The following GMDS variants were observed in gnomAD, a reference collection of about 807,000 sequenced individuals.
GMDS encodes GDP-mannose 4,6 dehydratase.
Under a neutral mutation model 49.9 loss-of-function variants are expected in GMDS, and 20 were observed. The ratio of observed to expected loss-of-function variants is 0.40; its 90% CI spans 0.28 to 0.58. GMDS has a LOEUF of 0.58. Among genes scored for constraint, GMDS ranks in the 20% least tolerant of loss-of-function variants. The probability of loss-of-function intolerance (pLI) is 0.42; values close to 1 mark genes in which losing one functional copy is unlikely to be tolerated. For missense variants in GMDS, 362 were observed against 481.4 expected (o/e 0.75, Z 2.32); for synonymous variants, 177 against 178.6 (o/e 0.99, Z 0.07).
At chr6:1,737,971 CACAT>C (rs377416580) in intron 8 of GMDS, among the ~76,000 whole-genome samples, 2 of 147,886 alleles carry the variant, frequency 1.4e-5, no homozygotes, top group South Asian at 2.2e-4. Context: ...TACATACACA[CACAT>C]ACACACACAC....
At chr6:1,731,949 T>C (rs1348194871) in intron 8 of GMDS, among the ~76,000 whole-genome samples, 6 of 152,162 alleles carry the variant, frequency 3.9e-5, no homozygotes, top group African/African-American at 1.4e-4. Flanking sequence ...TGGGGTAAAG[T>C]TAGTGATAAG....
At chr6:2,221,267 T>A (rs183341399) in intron 1 of GMDS, among the ~76,000 whole-genome samples, 9 of 152,360 alleles carry the variant, frequency 5.9e-5, no homozygotes, top group Admixed American at 5.2e-4. Context: ...AGAATTCCAG[T>A]TCTCACTTGT....
At chr6:2,216,701 C>A (rs776373672) in intron 1 of GMDS, among the ~76,000 whole-genome samples, 3 of 152,026 alleles carry the variant, frequency 2.0e-5, no homozygotes, top group Non-Finnish European at 4.4e-5. Flanking sequence ...TATCAACTTG[C>A]ACACATACAA....
intron 7 of GMDS, among the ~76,000 whole-genome samples, chr6:1,847,605 C>T (rs1048641653): frequency 1.3e-5 from 2 of 152,182 alleles, no homozygotes; most frequent in African/African-American, 4.8e-5. Flanking sequence ...CTCAGTGTGT[C>T]CAATACAGAA....
At chr6:2,208,855 A>T (rs1779930228) in intron 1 of GMDS, among the ~76,000 whole-genome samples, 1 of 40,600 alleles carries the variant, frequency 2.5e-5, no homozygotes, top group African/African-American at 1.8e-4. Flanking sequence ...GGGCTACATT[A>T]AAAAAAAAAA....
At chr6:1,877,857 T>C (rs1426843403) in intron 7 of GMDS, among the ~76,000 whole-genome samples, 1 of 152,106 alleles carries the variant, frequency 6.6e-6, no homozygotes, top group Non-Finnish European at 1.5e-5. Context: ...ATTATACAAA[T>C]TATATGATCT....
At chr6:2,062,673 T>C (rs1771260072) in intron 4 of GMDS, among the ~76,000 whole-genome samples, 1 of 152,232 alleles carries the variant, frequency 6.6e-6, no homozygotes, top group South Asian at 2.1e-4. Context: ...GCCATTTTCT[T>C]TGTTGATCCA....
At chr6:2,161,018 C>T (rs1777371261) in intron 1 of GMDS, among the ~76,000 whole-genome samples, 1 of 148,908 alleles carries the variant, frequency 6.7e-6, no homozygotes, top group African/African-American at 2.4e-5. Flanking sequence ...TATATGTTAA[C>T]TTTTTTTTTT....
At chr6:2,203,294 G>A (rs1005731188) in intron 1 of GMDS, among the ~76,000 whole-genome samples, 4 of 151,612 alleles carry the variant, frequency 2.6e-5, no homozygotes, top group Non-Finnish European at 5.9e-5. Flanking sequence ...GGTAAAATTG[G>A]AAAAAAAATA....
intron 8 of GMDS, among the ~76,000 whole-genome samples, chr6:1,730,126 T>C (rs746195495): frequency 6.6e-6 from 1 of 152,196 alleles, no homozygotes; most frequent in African/African-American, 2.4e-5. Flanking sequence ...AGAAAGGCGA[T>C]TTAATTAGGG....
chr6:2,022,785 A>T (rs1433782909), intron 4 of GMDS, among the ~76,000 whole-genome samples: 1 of 152,214 alleles, frequency 6.6e-6, no homozygotes, highest in Non-Finnish European at 1.5e-5. Context: ...TGTAAAACAC[A>T]GTTGGAAATC....
chr6:1,967,307 TC>T (rs149717329), intron 4 of GMDS, among the ~76,000 whole-genome samples: 188 of 152,290 alleles, frequency 1.2e-3, no homozygotes, highest in African/African-American at 4.3e-3. Flanking sequence ...CCGCAGTGTC[TC>T]CCATGCCGGA....
chr6:1,820,352 A>G (rs984060226), intron 7 of GMDS, among the ~76,000 whole-genome samples: 2 of 152,210 alleles, frequency 1.3e-5, no homozygotes, highest in African/African-American at 2.4e-5. Flanking sequence ...CCCCTTTGGC[A>G]GTCAAACAAA....
At position 1,996,633 on chromosome 6, in the gene GMDS, G is replaced by A. The variant is rs1033389599; in HGVS notation, c.346-35667C>T. On this transcript the variant is annotated intron_variant, in intron 4 of 10. Transcript: ENST00000380815. Reference sequence around the variant, plus strand: ...GGCTTCCAACTCTTGGTACAAAATGGTTGGCAGAATTCCTGCCATCACATG... The same window carrying A: ...GGCTTCCAACTCTTGGTACAAAATGATTGGCAGAATTCCTGCCATCACATG... Among the ~76,000 whole-genome samples, 11 of 152,096 alleles carry A rather than the reference G, an allele frequency of 7.2e-5. 1 individual carries two copies. The highest frequency in any genetic ancestry group is 6.5e-4 in the Admixed American group (10 of 15,278).
intron 9 of GMDS, among the ~76,000 whole-genome samples, chr6:1,694,153 C>A: frequency 6.6e-6 from 1 of 152,226 alleles, no homozygotes; most frequent in Non-Finnish European, 1.5e-5. Flanking sequence ...CATAATGATG[C>A]CAATTACTCT....
chr6:2,149,962 T>A (rs1727619737), intron 1 of GMDS, among the ~76,000 whole-genome samples: 2 of 152,112 alleles, frequency 1.3e-5, no homozygotes, highest in African/African-American at 2.4e-5. Flanking sequence ...AACAGAAAAA[T>A]TTTAAAAGAC....
At chr6:2,162,940 C>T (rs1283572453) in intron 1 of GMDS, among the ~76,000 whole-genome samples, 1 of 152,172 alleles carries the variant, frequency 6.6e-6, no homozygotes, top group Non-Finnish European at 1.5e-5. Flanking sequence ...CCCTCTCACT[C>T]ACTCTATCGG....
chr6:2,009,380 G>A (rs78835854), intron 4 of GMDS, among the ~76,000 whole-genome samples: 3,286 of 152,236 alleles, frequency 0.022, 114 homozygotes, highest in African/African-American at 0.074. Context: ...AATTCAGAAC[G>A]TTATCTTTAG....
chr6:1,816,798 C>A (rs1408344509), intron 7 of GMDS, among the ~76,000 whole-genome samples: 1 of 151,606 alleles, frequency 6.6e-6, no homozygotes, highest in Non-Finnish European at 1.5e-5. Context: ...TCTCCTTCTT[C>A]TTCTTTTTTT....
Sources: gnomAD v4.1 joint callset for allele counts (sites outside exome capture counted in the v4.1 genomes callset) on GRCh38, gnomAD v4.1.1 for gene constraint, MANE v1.5 for transcripts, NCBI Gene and HGNC (gene_info 2026-07-23, HGNC 2026-07-21) for gene names.